The following LRRC37A3 variants were observed in gnomAD, a reference collection of about 807,000 sequenced individuals.
The protein encoded by LRRC37A3 is leucine rich repeat containing 37 member A3.
LRRC37A3 carries 25 observed loss-of-function variants against 106.2 expected under a neutral mutation model. The observed-to-expected ratio is 0.24, with a 90% CI of 0.17 to 0.33. The LOEUF (loss-of-function observed/expected upper bound fraction) is 0.33, where lower values mean the gene tolerates loss of function less well. Ranked by LOEUF, LRRC37A3 falls within the 10% of genes least tolerant of loss-of-function variation. The pLI, the probability that LRRC37A3 is intolerant of heterozygous loss-of-function variation, is 1.00. For missense variants in LRRC37A3, 712 were observed against 1,644.9 expected (o/e 0.43, Z 9.81); for synonymous variants, 305 against 635.8 (o/e 0.48, Z 7.83).
intron 2 of LRRC37A3, chr17:64,899,827 T>TC (rs1248531547): frequency 9.3e-5 from 14 of 150,512 alleles, no homozygotes; most frequent in Admixed American, 9.2e-4. Flanking sequence ...AACACAATCC[T>TC]CGGTTCTGCT....
chr17:64,916,197 A>C (rs1038961046), intron 2 of LRRC37A3, among the ~76,000 whole-genome samples: 3 of 151,490 alleles, frequency 2.0e-5, no homozygotes, highest in African/African-American at 7.3e-5. Context: ...CAAGGTCAGG[A>C]GATCAAGACC....
intron 10 of LRRC37A3, 57 bp downstream of exon 10, chr17:64,868,405 A>C: frequency 6.3e-7 from 1 of 1,585,886 alleles, no homozygotes; most frequent in Non-Finnish European, 8.6e-7. Context: ...AGAAAATAAT[A>C]AAACAAACCT....
Position 64,912,401 on chromosome 17 carries a change from A to G in LRRC37A3, c.-496+6349T>C, listed in dbSNP as rs1223903977. Among the ~76,000 whole-genome samples the G allele has an allele frequency of 2.6e-5, 4 of 151,958 alleles. No homozygotes were observed. The East Asian group carries it at 7.8e-4, about 29-fold the overall frequency. On this transcript the variant is annotated intron_variant, in intron 2 of 14. Coordinates refer to ENST00000584306, the MANE Select transcript of LRRC37A3 (RefSeq NM_199340.5). ...AGGGGGGGCTAGAATAAAGAAACCT[A>G]TATGTTTGCAATACTTTTACATTTT...
At position 64,862,899 on chromosome 17, in the gene LRRC37A3, C is replaced by T. The variant is rs139954718; in HGVS notation, c.3172+1G>A. The T allele has an allele frequency of 9.4e-6, 15 of 1,599,162 alleles. No homozygotes were observed. Among genetic ancestry groups the T allele is most frequent in the African/African-American group, 2.7e-5 (2 of 75,038 alleles). ...TTTATCACCATGCAATTTGGACTCA[C>T]GACAATGTGTGGTGTTTGTCAGACA... On this transcript the variant is annotated splice_donor_variant, in intron 11 of 14. Transcript: ENST00000584306. LOFTEE classifies it high-confidence loss of function.
intron 8 of LRRC37A3, among the ~76,000 whole-genome samples, chr17:64,877,382 A>G (rs1297173507): frequency 6.6e-6 from 1 of 151,888 alleles, no homozygotes; most frequent in African/African-American, 2.4e-5. Flanking sequence ...TTGTACTTTT[A>G]GTAGACATGG....
At chr17:64,869,466 G>A (rs1973229589) in intron 8 of LRRC37A3, among the ~76,000 whole-genome samples, 3 of 151,790 alleles carry the variant, frequency 2.0e-5, no homozygotes, top group Admixed American at 2.0e-4. Flanking sequence ...GACTATGTTG[G>A]TAGGAAGCCC....
At position 64,860,701 on chromosome 17, in the gene LRRC37A3, T is replaced by C; in HGVS notation, c.3445A>G (p.Asn1149Asp). 1 of 1,614,030 alleles carries C rather than the reference T, an allele frequency of 6.2e-7. No homozygotes were observed. The highest frequency in any genetic ancestry group is 8.5e-7 in the Non-Finnish European group (1 of 1,179,880). Reference sequence around the variant, plus strand: ...ACAGTTTGAATCTTTGCCAGGCTGTTTCCTGTGGTTGGCAGTTTAATGAAC... The same window carrying C: ...ACAGTTTGAATCTTTGCCAGGCTGTCTCCTGTGGTTGGCAGTTTAATGAAC... Reference protein sequence around the residue: ...LPFIKLPTTGNSLAKIQTVGK... With the variant: ...LPFIKLPTTGDSLAKIQTVGK... Residue 1149 changes from asparagine (N) to aspartate (D), a missense_variant, in exon 12 of 15, where the codon AAC becomes GAC. Asn to Asp is a conservative substitution (Grantham distance 23, BLOSUM62 1). Coordinates refer to ENST00000584306, the MANE Select transcript of LRRC37A3 (RefSeq NM_199340.5).
intron 2 of LRRC37A3, among the ~76,000 whole-genome samples, chr17:64,916,566 C>T (rs1974705084): frequency 6.8e-6 from 1 of 147,304 alleles, no homozygotes; most frequent in African/African-American, 2.5e-5. Flanking sequence ...CGCTTGAGCC[C>T]AGGATTCGAA....
At chr17:64,876,522 G>A (rs1276563540) in intron 8 of LRRC37A3, among the ~76,000 whole-genome samples, 1 of 151,992 alleles carries the variant, frequency 6.6e-6, no homozygotes, top group African/African-American at 2.4e-5. Flanking sequence ...AGAAATGAGA[G>A]GGGACATTAC....
chr17:64,854,786 T>C, intron 14 of LRRC37A3, 142 bp from the exon 15 acceptor site: 1 of 1,611,736 alleles, frequency 6.2e-7, no homozygotes, highest in Non-Finnish European at 8.5e-7. Flanking sequence ...CCTCATTAGA[T>C]GACTTCTTGT....
At position 64,875,557 on chromosome 17, in the gene LRRC37A3, G is replaced by A. The variant is rs539876333; in HGVS notation, c.2907-6391C>T. 2.0e-5 allele frequency among the ~76,000 whole-genome samples: 3 copies of A among 152,312 alleles called. No individual in the cohort carries two copies. In the East Asian group the frequency reaches 5.8e-4, roughly 29 times the overall value. On this transcript the variant is annotated intron_variant, in intron 8 of 14. Transcript: ENST00000584306. The stretch of plus-strand genomic sequence containing the variant: ...TAATCCCAGCACTTTGGGAGGCTGA[G>A]GCTGGAGGATCACTTGAGGTCAAGA...
intron 2 of LRRC37A3, among the ~76,000 whole-genome samples, chr17:64,917,599 TACA>T (rs1224703044): frequency 2.6e-5 from 4 of 151,958 alleles, no homozygotes; most frequent in Admixed American, 2.0e-4. Context: ...AAACTACTGA[TACA>T]ACAACACAGA....
intron 10 of LRRC37A3, among the ~76,000 whole-genome samples, chr17:64,867,057 T>A (rs902353296): frequency 3.3e-5 from 5 of 151,786 alleles, no homozygotes; most frequent in Non-Finnish European, 7.4e-5. Context: ...TAGGAGAAAA[T>A]CTTTTAGATG....
chr17:64,893,648 A>ATTTTT (rs3972251), intron 4 of LRRC37A3, among the ~76,000 whole-genome samples: 37 of 86,912 alleles, frequency 4.3e-4, no homozygotes, highest in African/African-American at 5.9e-4. Context: ...CCCTCCTATC[A>ATTTTT]TTTTTTTTTT....
intron 2 of LRRC37A3, among the ~76,000 whole-genome samples, chr17:64,914,342 C>T (rs878907529): frequency 3.9e-5 from 6 of 152,112 alleles, no homozygotes; most frequent in Admixed American, 6.6e-5. Flanking sequence ...ATGAATCACC[C>T]GAGGTCAGGA....
chr17:64,861,390 G>A (rs929640369), intron 11 of LRRC37A3, among the ~76,000 whole-genome samples: 22 of 152,132 alleles, frequency 1.4e-4, no homozygotes, highest in African/African-American at 4.8e-4. Flanking sequence ...CCTCGTCCTC[G>A]GTGCACCTGT....
At chr17:64,875,847 G>C (rs184439247) in intron 8 of LRRC37A3, among the ~76,000 whole-genome samples, 1 of 152,110 alleles carries the variant, frequency 6.6e-6, no homozygotes, top group Admixed American at 6.5e-5. Context: ...TATAAATCTA[G>C]TTGATGAACA....
At chr17:64,863,135 T>A in intron 10 of LRRC37A3, 117 bp from the exon 11 acceptor site, 2 of 1,425,148 alleles carry the variant, frequency 1.4e-6, no homozygotes, top group East Asian at 2.3e-5. Flanking sequence ...GCCTGTGGAC[T>A]GGACAGTTGG....
At chr17:64,877,620 T>C (rs1973557578) in intron 8 of LRRC37A3, among the ~76,000 whole-genome samples, 1 of 152,210 alleles carries the variant, frequency 6.6e-6, no homozygotes, top group African/African-American at 2.4e-5. Context: ...ACAGTTCTTA[T>C]CAAAATCCCA....
Sources: gnomAD v4.1 joint callset for allele counts (sites outside exome capture counted in the v4.1 genomes callset) on GRCh38, gnomAD v4.1.1 for gene constraint, MANE v1.5 for transcripts, NCBI Gene and HGNC (gene_info 2026-07-23, HGNC 2026-07-21) for gene names.